The following GHR variants were observed in gnomAD, a reference collection of about 807,000 sequenced individuals.
GHR encodes GH receptor.
Under a neutral mutation model 67.1 loss-of-function variants are expected in GHR, and 35 were observed. The observed-to-expected ratio is 0.52, with a 90% CI of 0.40 to 0.69. The LOEUF (loss-of-function observed/expected upper bound fraction) is 0.69, where lower values mean the gene tolerates loss of function less well. GHR is among the 30% of genes least tolerant of loss of function. GHR has a pLI of 0.00. For missense variants in GHR, 792 were observed against 764.6 expected (o/e 1.04, Z -0.42); for synonymous variants, 272 against 269.1 (o/e 1.01, Z -0.10).
At chr5:42,591,039 T>C (rs1751746984) in intron 2 of GHR, among the ~76,000 whole-genome samples, 1 of 152,234 alleles carries the variant, frequency 6.6e-6, no homozygotes, top group Non-Finnish European at 1.5e-5. Context: ...CATTCTGCAT[T>C]AGGCAAATGT....
intron 5 of GHR, among the ~76,000 whole-genome samples, 196 bp downstream of exon 5, chr5:42,695,285 A>G (rs762853156): frequency 6.6e-6 from 1 of 152,228 alleles, no homozygotes; most frequent in Non-Finnish European, 1.5e-5. Flanking sequence ...TGACTTTAAC[A>G]TAAAGTAGCC....
At chr5:42,486,320 T>C (rs1224711843) in intron 1 of GHR, among the ~76,000 whole-genome samples, 1 of 152,252 alleles carries the variant, frequency 6.6e-6, no homozygotes, top group Admixed American at 6.5e-5. Flanking sequence ...TTTCAGGACC[T>C]TGCTTCAACT....
At chr5:42,566,992 AAG>A (rs1421119228) in intron 2 of GHR, among the ~76,000 whole-genome samples, 23 of 152,332 alleles carry the variant, frequency 1.5e-4, no homozygotes, top group African/African-American at 5.1e-4. Context: ...ATTTATAGAA[AAG>A]AGTCATAATT....
chr5:42,511,340 A>G (rs372192687), intron 1 of GHR, among the ~76,000 whole-genome samples: 20 of 152,318 alleles, frequency 1.3e-4, no homozygotes, highest in Middle Eastern at 3.4e-3. Flanking sequence ...AATTTTCTCC[A>G]TAGTATTTAT....
At chr5:42,627,387 A>T (rs1337777121) in intron 2 of GHR, among the ~76,000 whole-genome samples, 2 of 152,170 alleles carry the variant, frequency 1.3e-5, no homozygotes, top group Non-Finnish European at 2.9e-5. Context: ...GATTTGTGTG[A>T]GTTCTTTTTA....
At chr5:42,596,248 G>A (rs1158056184) in intron 2 of GHR, among the ~76,000 whole-genome samples, 1 of 151,878 alleles carries the variant, frequency 6.6e-6, no homozygotes, top group Non-Finnish European at 1.5e-5. Flanking sequence ...ACAGCATAGA[G>A]TAGGTGCTTC....
intron 1 of GHR, among the ~76,000 whole-genome samples, chr5:42,476,693 A>C (rs1481318852): frequency 6.6e-6 from 1 of 152,172 alleles, no homozygotes; most frequent in East Asian, 1.9e-4. Context: ...TTTCTGACAC[A>C]GAAATACTGG....
At chr5:42,521,225 A>C (rs13189275) in intron 1 of GHR, among the ~76,000 whole-genome samples, 69,860 of 152,040 alleles carry the variant, frequency 0.46, 16,504 homozygotes, top group Middle Eastern at 0.54. Flanking sequence ...CAAGAATCAT[A>C]GGCTGTTCTT....
chr5:42,544,025 T>A (rs1446558754), intron 1 of GHR, among the ~76,000 whole-genome samples: 3 of 152,156 alleles, frequency 2.0e-5, no homozygotes, highest in Non-Finnish European at 4.4e-5. Flanking sequence ...TTCTTTAAAG[T>A]TATTTTTAAG....
intron 1 of GHR, among the ~76,000 whole-genome samples, chr5:42,438,165 C>G (rs1743415038): frequency 6.6e-6 from 1 of 152,102 alleles, no homozygotes; most frequent in African/African-American, 2.4e-5. Flanking sequence ...AGGGCTATAC[C>G]AAGTCCTTTT....
chr5:42,584,149 T>G (rs1346260110), intron 2 of GHR, among the ~76,000 whole-genome samples: 2 of 152,178 alleles, frequency 1.3e-5, no homozygotes, highest in African/African-American at 4.8e-5. Context: ...ATGTATTTTT[T>G]TTAATGTGCT....
At chr5:42,494,342 G>C (rs145210246) in intron 1 of GHR, among the ~76,000 whole-genome samples, 2 of 152,150 alleles carry the variant, frequency 1.3e-5, no homozygotes, top group African/African-American at 4.8e-5. Context: ...TTGGGTGCTA[G>C]TAACTTACCT....
At chr5:42,465,771 C>G (rs1484174281) in intron 1 of GHR, 1 of 870,344 alleles carries the variant, frequency 1.1e-6, no homozygotes, top group African/African-American at 1.6e-5. Flanking sequence ...AATCCATCTC[C>G]TTGGCCCATT....
intron 4 of GHR, among the ~76,000 whole-genome samples, chr5:42,691,911 G>A (rs754199452): frequency 2.0e-5 from 3 of 152,242 alleles, no homozygotes; most frequent in Non-Finnish European, 4.4e-5. Context: ...ATGGTAAAAA[G>A]AGGCTCTGGG....
At chr5:42,492,458 A>G (rs2112199859) in intron 1 of GHR, among the ~76,000 whole-genome samples, 1 of 152,312 alleles carries the variant, frequency 6.6e-6, no homozygotes, top group South Asian at 2.1e-4. Flanking sequence ...TCATGAAGAT[A>G]CTGAAGGCTG....
In GHR at chr5:42,699,950, T is replaced by C; in HGVS notation, c.566T>C (p.Val189Ala). The C allele has an allele frequency of 6.2e-7, 1 of 1,602,410 alleles. No homozygotes were observed. The highest frequency in any genetic ancestry group is 8.6e-7 in the Non-Finnish European group (1 of 1,169,468). ...RNADIQKGWM[V>A]LEYELQYKEV... Reference sequence around the variant, plus strand: ...GCAGATATTCAGAAAGGATGGATGGTTCTGGAGTATGAACTTCAATACAAA... The same window carrying C: ...GCAGATATTCAGAAAGGATGGATGGCTCTGGAGTATGAACTTCAATACAAA... Residue 189 changes from valine to alanine, a missense_variant, in exon 6 of 10, where the codon GTT (valine) becomes GCT (alanine). Val to Ala is a moderately conservative substitution (Grantham distance 64). Coordinates refer to ENST00000230882, the MANE Select transcript of GHR (RefSeq NM_000163.5).
At chr5:42,683,760 T>A (rs1054267909) in intron 3 of GHR, among the ~76,000 whole-genome samples, 1 of 152,228 alleles carries the variant, frequency 6.6e-6, no homozygotes, top group South Asian at 2.1e-4. Flanking sequence ...ACAGCTCTGC[T>A]GCACAACATC....
intron 2 of GHR, among the ~76,000 whole-genome samples, chr5:42,604,761 T>C (rs371478589): frequency 5.3e-4 from 81 of 152,096 alleles, no homozygotes; most frequent in African/African-American, 1.9e-3. Flanking sequence ...ATTTCCATGA[T>C]TTCTGTTTGG....
rs1270217602 is a variant in GHR, at chr5:42,721,115, G to C, written c.*1691G>C. 1 of 152,138 alleles carries C rather than the reference G, an allele frequency of 6.6e-6. No individual in the cohort carries two copies. The highest frequency in any genetic ancestry group is 1.5e-5 in the Non-Finnish European group (1 of 68,114). 9.4% of individuals were successfully genotyped at this position (152,138 alleles called of 1,614,324 possible). ...AATTTTTTTGTATTTTAGCAGAGAC[G>C]GGGTTTCACCATGTTGGCCAGGATG... On this transcript the variant is annotated 3_prime_UTR_variant, in exon 10 of 10. Transcript: ENST00000230882.
Sources: allele counts gnomAD v4.1 joint callset (sites outside exome capture counted in the v4.1 genomes callset), GRCh38; gene constraint gnomAD v4.1.1; transcripts MANE v1.5; gene names NCBI Gene and HGNC (gene_info 2026-07-23, HGNC 2026-07-21).